Variants in JADE3 observed in about 807,000 individuals in gnomAD.
JADE3 encodes jade family PHD finger 3, also known as protein Jade-3.
Under a neutral mutation model 50.1 loss-of-function variants are expected in JADE3, and 2 were observed. That is an observed-to-expected ratio of 0.04 (90% CI 0.02 to 0.13). The LOEUF is 0.13. JADE3 is among the 10% of genes least tolerant of loss of function. The pLI is 1.00. For missense variants in JADE3, 475 were observed against 634.4 expected, an observed-to-expected ratio of 0.75 and a Z score of 2.70; for synonymous variants, 218 against 232.9, an observed-to-expected ratio of 0.94 and a Z score of 0.58.
chrX:46,995,675 A>G (rs1928113064), intron 3 of JADE3, among the ~76,000 whole-genome samples: 1 of 111,984 alleles, frequency 8.9e-6, no homozygotes. Context: ...GGTTAATGAG[A>G]CCAGTCTGGT....
intron 1 of JADE3, among the ~76,000 whole-genome samples, chrX:46,947,090 G>T (rs912435575): frequency 8.9e-6 from 1 of 111,774 alleles, no homozygotes; most frequent in African/African-American, 3.3e-5. Flanking sequence ...CACAATCTCA[G>T]CTCACTGCAA....
chrX:46,951,528 G>C (rs1462394195), intron 1 of JADE3, among the ~76,000 whole-genome samples: 2 of 103,704 alleles, frequency 1.9e-5, no homozygotes, highest in African/African-American at 6.9e-5. Flanking sequence ...TGGAGGTTGC[G>C]GTGAGCGGAG....
At chrX:47,037,109 T>A (rs111330110) in intron 7 of JADE3, among the ~76,000 whole-genome samples, 76 of 82,946 alleles carry the variant, frequency 9.2e-4, no homozygotes, top group African/African-American at 1.5e-3. Flanking sequence ...TAAAGTATAA[T>A]AAAAAAAAAA....
Position 47,037,156 on chromosome X carries a change from C to G in JADE3, c.856-1793C>G, listed in dbSNP as rs782384231. ...AAAGCATCCCTTTCTTTTCAGCACT[C>G]TCCCAAAGACTTAATTTCACTTTGA... On this transcript the variant is annotated intron_variant, in intron 7 of 10. Transcript: ENST00000614628. 1.3e-4 allele frequency among the ~76,000 whole-genome samples: 14 copies of G among 109,494 alleles called. No individual in the cohort carries two copies. In the South Asian group the frequency reaches 2.0e-3, roughly 16 times the overall value.
intron 1 of JADE3, among the ~76,000 whole-genome samples, chrX:46,933,200 C>T (rs1409798091): frequency 8.9e-6 from 1 of 111,756 alleles, no homozygotes; most frequent in Non-Finnish European, 1.9e-5. Flanking sequence ...CATGTTCCCT[C>T]TCCCCTTTGT....
At chrX:47,048,661 A>G (rs1276314766) in intron 8 of JADE3, among the ~76,000 whole-genome samples, 2 of 111,928 alleles carry the variant, frequency 1.8e-5, no homozygotes, top group Non-Finnish European at 3.8e-5. Context: ...GTAGATTAGT[A>G]GTTGCTTGGG....
At chrX:46,944,244 T>C (rs1469354959) in intron 1 of JADE3, among the ~76,000 whole-genome samples, 3 of 109,722 alleles carry the variant, frequency 2.7e-5, no homozygotes, top group African/African-American at 1.0e-4. Flanking sequence ...GTTTTTGGGG[T>C]TCTTGTTTTT....
intron 1 of JADE3, among the ~76,000 whole-genome samples, chrX:46,933,203 C>G (rs898934665): frequency 1.8e-5 from 2 of 111,624 alleles, no homozygotes; most frequent in African/African-American, 6.5e-5. Context: ...GTTCCCTCTC[C>G]CCTTTGTCAA....
chrX:46,938,762 A>G (rs1556341695), intron 1 of JADE3, among the ~76,000 whole-genome samples: 1 of 112,255 alleles, frequency 8.9e-6, no homozygotes, highest in East Asian at 2.8e-4. Context: ...TGCTGAGTAT[A>G]GAATTCTGTG....
At chrX:47,052,796 C>CT (rs1929544257) in intron 8 of JADE3, among the ~76,000 whole-genome samples, 1 of 110,633 alleles carries the variant, frequency 9.0e-6, no homozygotes, top group South Asian at 3.8e-4. Context: ...TGGCTCACAC[C>CT]TGTAATCCCA....
intron 7 of JADE3, among the ~76,000 whole-genome samples, chrX:47,037,106 T>C (rs1400679942): frequency 1.4e-5 from 1 of 71,940 alleles, no homozygotes; most frequent in Non-Finnish European, 2.3e-5. Context: ...ACTTAAAGTA[T>C]AATAAAAAAA....
intron 6 of JADE3, 52 bp downstream of exon 6, chrX:47,028,155 C>T (rs1556365956): frequency 2.3e-6 from 2 of 861,420 alleles, no homozygotes; most frequent in East Asian, 6.3e-5. Flanking sequence ...TTCTGAAGCT[C>T]AGTGATGATC....
chrX:47,050,559 A>G (rs1395134921), intron 8 of JADE3, among the ~76,000 whole-genome samples: 3 of 112,188 alleles, frequency 2.7e-5, no homozygotes, highest in Non-Finnish European at 5.6e-5. Flanking sequence ...TATAAATACC[A>G]CAGAATTACC....
intron 4 of JADE3, among the ~76,000 whole-genome samples, chrX:47,023,271 C>T (rs1234300493): frequency 1.8e-5 from 2 of 111,475 alleles, no homozygotes; most frequent in Non-Finnish European, 3.8e-5. Context: ...CTCTCCCTCC[C>T]CTCACTGACA....
chrX:46,962,492 C>T (rs1221642981), intron 1 of JADE3, among the ~76,000 whole-genome samples: 1 of 111,446 alleles, frequency 9.0e-6, no homozygotes, highest in Admixed American at 9.5e-5. Context: ...AGACCTAATA[C>T]TCCACTGGGG....
intron 1 of JADE3, among the ~76,000 whole-genome samples, chrX:46,977,556 G>A (rs138989995): frequency 0.017 from 1,941 of 111,985 alleles, 16 homozygotes; most frequent in Middle Eastern, 0.051. Flanking sequence ...GTTAACTATA[G>A]CACTCTGCTG....
intron 1 of JADE3, among the ~76,000 whole-genome samples, chrX:46,938,852 G>A (rs1926690550): frequency 8.9e-6 from 1 of 112,004 alleles, no homozygotes; most frequent in African/African-American, 3.2e-5. Flanking sequence ...TTTTGAGACG[G>A]AGTCTCGCTC....
At position 47,024,926 on chromosome X, in the gene JADE3, T is replaced by A; in HGVS notation, c.475+12T>A. On this transcript the variant is annotated intron_variant, in intron 5 of 10. Transcript: ENST00000614628. ...CCTTGCAGAAATGGGTAAGTTCTTTTCTCACAAGTAAGTTGTGACTTAATT... is the reference window on the plus strand; with the variant it reads ...CCTTGCAGAAATGGGTAAGTTCTTTACTCACAAGTAAGTTGTGACTTAATT... 2 of 1,052,141 alleles carry A rather than the reference T, an allele frequency of 1.9e-6. No individual in the cohort carries two copies. The highest frequency in any genetic ancestry group is 1.3e-6 in the Non-Finnish European group (1 of 762,726). 86.7% of individuals were successfully genotyped at this position (1,052,141 alleles called of 1,213,427 possible).
At chrX:46,970,254 C>A (rs1215221366) in intron 1 of JADE3, among the ~76,000 whole-genome samples, 1 of 112,098 alleles carries the variant, frequency 8.9e-6, no homozygotes, top group Non-Finnish European at 1.9e-5. Context: ...TGATTTCTCC[C>A]CAGGGAAATT....
Sources: allele counts gnomAD v4.1 joint callset (sites outside exome capture counted in the v4.1 genomes callset), GRCh38; gene constraint gnomAD v4.1.1; transcripts MANE v1.5; gene names NCBI Gene and HGNC (gene_info 2026-07-23, HGNC 2026-07-21).